Variants in COL22A1 observed in about 807,000 individuals in gnomAD.
The protein encoded by COL22A1 is collagen type XXII alpha 1 chain, also known as collagen alpha-1(XXII) chain.
Under a neutral mutation model 248.9 loss-of-function variants are expected in COL22A1, and 221 were observed. The ratio of observed to expected loss-of-function variants is 0.89; its 90% CI spans 0.80 to 0.99. The LOEUF (loss-of-function observed/expected upper bound fraction) is 0.99. COL22A1 is among the 50% of genes least tolerant of loss of function. The pLI is 0.00. For synonymous variants in COL22A1, 891 were observed against 793.4 expected (o/e 1.12, Z -2.07); for missense variants, 2,240 against 2,179.0 (o/e 1.03, Z -0.56).
intron 41 of COL22A1, 78 bp from the exon 42 acceptor site, chr8:138,663,818 A>G (rs1037356671): frequency 9.7e-6 from 11 of 1,135,918 alleles, no homozygotes; most frequent in Middle Eastern, 1.9e-4. Context: ...TTTATTCCAT[A>G]GACAGGTCCT....
intron 60 of COL22A1, among the ~76,000 whole-genome samples, chr8:138,599,357 T>C (rs1016227082): frequency 6.6e-6 from 1 of 152,184 alleles, no homozygotes; most frequent in Admixed American, 6.5e-5. Flanking sequence ...CAGGTGCCTG[T>C]AGTCCCAGCT....
intron 49 of COL22A1, among the ~76,000 whole-genome samples, chr8:138,634,407 T>C (rs1309625346): frequency 6.6e-6 from 1 of 151,984 alleles, no homozygotes; most frequent in Non-Finnish European, 1.5e-5. Context: ...AACACTAATT[T>C]CCAGTGCCTG....
intron 16 of COL22A1, among the ~76,000 whole-genome samples, chr8:138,774,543 C>T (rs960689703): frequency 1.2e-4 from 18 of 151,860 alleles, no homozygotes; most frequent in Admixed American, 9.2e-4. Flanking sequence ...CTCAGCCTCC[C>T]GAGTAGCTGG....
At chr8:138,773,943 G>A (rs1366156987) in intron 16 of COL22A1, among the ~76,000 whole-genome samples, 3 of 152,134 alleles carry the variant, frequency 2.0e-5, no homozygotes, top group African/African-American at 4.8e-5. Flanking sequence ...TCCGCTACAC[G>A]GGGATTGAAA....
intron 3 of COL22A1, among the ~76,000 whole-genome samples, chr8:138,861,242 G>C (rs1014713230): frequency 6.6e-6 from 1 of 152,132 alleles, no homozygotes; most frequent in Admixed American, 6.5e-5. Flanking sequence ...GGAGCAAGGA[G>C]GTTAGATCTC....
chr8:138,824,395 A>G (rs938990474), intron 6 of COL22A1, among the ~76,000 whole-genome samples: 5 of 152,178 alleles, frequency 3.3e-5, no homozygotes, highest in African/African-American at 1.2e-4. Flanking sequence ...AAATTAATCT[A>G]TAACCTGATT....
At chr8:138,593,905 C>A in intron 63 of COL22A1, 112 bp downstream of exon 63, 1 of 803,870 alleles carries the variant, frequency 1.2e-6, no homozygotes, top group Non-Finnish European at 1.9e-6. Flanking sequence ...TGTTACCAAG[C>A]TACAGGGAAT....
chr8:138,905,481 C>T (rs970730410), intron 1 of COL22A1, among the ~76,000 whole-genome samples: 2 of 152,168 alleles, frequency 1.3e-5, no homozygotes, highest in Non-Finnish European at 2.9e-5. Flanking sequence ...AGCTCTGTTT[C>T]ATACCGGGAA....
chr8:138,809,710 G>C (rs1432115885), intron 9 of COL22A1, among the ~76,000 whole-genome samples: 1 of 151,882 alleles, frequency 6.6e-6, no homozygotes, highest in Non-Finnish European at 1.5e-5. Flanking sequence ...AGTAGAGACA[G>C]GGTTTCACCA....
intron 40 of COL22A1, among the ~76,000 whole-genome samples, chr8:138,677,643 T>C (rs1030145415): frequency 1.3e-5 from 2 of 152,254 alleles, no homozygotes; most frequent in African/African-American, 2.4e-5. Context: ...AATTTACATA[T>C]TTTTGTCGCC....
At chr8:138,650,999 C>G (rs931600600) in intron 45 of COL22A1, among the ~76,000 whole-genome samples, 1 of 152,188 alleles carries the variant, frequency 6.6e-6, no homozygotes, top group African/African-American at 2.4e-5. Flanking sequence ...CTGCACTGTT[C>G]ATAGTCCATG....
intron 62 of COL22A1, among the ~76,000 whole-genome samples, chr8:138,594,473 T>C (rs1817359445): frequency 6.6e-6 from 1 of 152,186 alleles, no homozygotes; most frequent in Non-Finnish European, 1.5e-5. Flanking sequence ...GTAGTGACCA[T>C]CGCTGCCCCT....
At chr8:138,693,569 C>A (rs1587883022) in intron 35 of COL22A1, 77 bp downstream of exon 35, 4 of 1,430,698 alleles carry the variant, frequency 2.8e-6, no homozygotes, top group Non-Finnish European at 3.9e-6. Flanking sequence ...GAGCTGTGAG[C>A]CATAGAGCAG....
chr8:138,881,711 T>C (rs1352276733), intron 2 of COL22A1, among the ~76,000 whole-genome samples: 1 of 152,162 alleles, frequency 6.6e-6, no homozygotes, highest in East Asian at 1.9e-4. Flanking sequence ...TATAGATCAC[T>C]TCCTATAAGA....
At chr8:138,779,150 T>C (rs542111988) in intron 14 of COL22A1, among the ~76,000 whole-genome samples, 11 of 152,324 alleles carry the variant, frequency 7.2e-5, no homozygotes, top group Middle Eastern at 3.4e-3. Context: ...GGGAATGTTA[T>C]ATATTACAAT....
chr8:138,672,409 A>C, intron 41 of COL22A1, among the ~76,000 whole-genome samples: 1 of 152,076 alleles, frequency 6.6e-6, no homozygotes, highest in East Asian at 1.9e-4. Context: ...TTAATATATT[A>C]TTCCTTGGAA....
In COL22A1 at chr8:138,608,098, C is replaced by G. The variant is rs11992445; in HGVS notation, c.3979-109G>C. Reference sequence around the variant, plus strand: ...ACTTGGTTTTACACAGAATCTGTTACTCTAGCCAGTGTGGCTCTCAGTCTA... The same window carrying G: ...ACTTGGTTTTACACAGAATCTGTTAGTCTAGCCAGTGTGGCTCTCAGTCTA... On this transcript the variant is annotated intron_variant, in intron 56 of 64. Coordinates refer to ENST00000303045, the MANE Select transcript of COL22A1 (RefSeq NM_152888.3). 754 of 912,618 alleles carry G rather than the reference C, an allele frequency of 8.3e-4. 6 individuals carry two copies. In the African/African-American group the frequency reaches 0.011, roughly 14 times the overall value. 56.5% of individuals were successfully genotyped at this position (912,618 alleles called of 1,614,324 possible).
At chr8:138,911,241 A>T (rs1360158627) in intron 1 of COL22A1, among the ~76,000 whole-genome samples, 3 of 152,228 alleles carry the variant, frequency 2.0e-5, no homozygotes, top group African/African-American at 4.8e-5. Context: ...TTTTAGCTGG[A>T]CCCTCTGGGG....
intron 3 of COL22A1, among the ~76,000 whole-genome samples, chr8:138,873,412 G>A (rs1042167796): frequency 1.3e-5 from 2 of 152,118 alleles, no homozygotes; most frequent in African/African-American, 4.8e-5. Flanking sequence ...ACAACAGCAA[G>A]CACAGAATTA....
Sources: gnomAD v4.1 joint callset for allele counts (sites outside exome capture counted in the v4.1 genomes callset) on GRCh38, gnomAD v4.1.1 for gene constraint, MANE v1.5 for transcripts, NCBI Gene and HGNC (gene_info 2026-07-23, HGNC 2026-07-21) for gene names.